KLHL13: variants seen among roughly 807,000 people sequenced by gnomAD.
The protein encoded by KLHL13 is kelch-like protein 13.
A neutral mutation model predicts 37.1 loss-of-function variants in KLHL13; 10 were observed. The observed-to-expected ratio is 0.27, with a 90% CI of 0.17 to 0.46. KLHL13 has a LOEUF of 0.46. Ranked by LOEUF, KLHL13 falls within the 20% of genes least tolerant of loss-of-function variation. The pLI is 1.00. For synonymous variants in KLHL13, 163 were observed against 181.2 expected (o/e 0.90, Z 0.81); for missense variants, 360 against 509.3 (o/e 0.71, Z 2.82).
intron 2 of KLHL13, among the ~76,000 whole-genome samples, chrX:117,931,430 G>T (rs1201924681): frequency 3.6e-5 from 4 of 111,238 alleles, no homozygotes; most frequent in Admixed American, 9.5e-5. Context: ...TGGCCTCCAG[G>T]TCTTAAGGAT....
At chrX:117,922,590 A>G (rs1015227183) in intron 2 of KLHL13, among the ~76,000 whole-genome samples, 2 of 111,806 alleles carry the variant, frequency 1.8e-5, no homozygotes, top group African/African-American at 6.5e-5. Flanking sequence ...ACCTCTCCCA[A>G]TAATAAAATG....
At chrX:117,918,892 C>A (rs1408844775) in intron 4 of KLHL13, among the ~76,000 whole-genome samples, 1 of 112,122 alleles carries the variant, frequency 8.9e-6, no homozygotes, top group Non-Finnish European at 1.9e-5. Flanking sequence ...CATTCAATTA[C>A]ATTTAAGAAG....
At chrX:117,897,815 A>G (rs1196808679) in exon 7 of KLHL13, 1 of 112,351 alleles carries the variant, frequency 8.9e-6, no homozygotes, top group African/African-American at 3.2e-5. Flanking sequence ...GACCAAAATG[A>G]CATTAAATGT....
chrX:118,069,969 T>C (rs1448235461), intron 1 of KLHL13, among the ~76,000 whole-genome samples: 2 of 112,026 alleles, frequency 1.8e-5, no homozygotes, highest in Admixed American at 1.9e-4. Context: ...TTATACCATA[T>C]TTTACCATAC....
At chrX:118,045,994 AAACT>A (rs1211978381) in intron 1 of KLHL13, among the ~76,000 whole-genome samples, 2 of 111,641 alleles carry the variant, frequency 1.8e-5, no homozygotes, top group Non-Finnish European at 3.8e-5. Context: ...ATTCCTCAAC[AAACT>A]AAAAATAGAG....
intron 1 of KLHL13, among the ~76,000 whole-genome samples, chrX:118,112,358 G>T (rs1398896618): frequency 8.9e-6 from 1 of 111,796 alleles, no homozygotes; most frequent in Admixed American, 9.5e-5. Flanking sequence ...CAAGTGGGGA[G>T]ATGGCCAGGC....
intron 1 of KLHL13, among the ~76,000 whole-genome samples, chrX:118,075,219 G>A (rs962373437): frequency 9.0e-6 from 1 of 111,580 alleles, no homozygotes; most frequent in Non-Finnish European, 1.9e-5. Context: ...CAGCAGAAAA[G>A]TCAGTTTGTT....
intron 1 of KLHL13, among the ~76,000 whole-genome samples, chrX:118,031,871 C>A (rs769079739): frequency 1.8e-5 from 2 of 108,443 alleles, no homozygotes; most frequent in Admixed American, 2.0e-4. Flanking sequence ...TGGGTGCAGG[C>A]CAGTGGCTGC....
At chrX:118,093,112 T>C (rs1407272824) in intron 1 of KLHL13, among the ~76,000 whole-genome samples, 2 of 111,513 alleles carry the variant, frequency 1.8e-5, no homozygotes, top group South Asian at 3.8e-4. Flanking sequence ...ATTTGCCTGC[T>C]AAAAGTGCCT....
At chrX:118,032,120 C>T (rs1007405052) in intron 1 of KLHL13, among the ~76,000 whole-genome samples, 3 of 111,599 alleles carry the variant, frequency 2.7e-5, no homozygotes, top group African/African-American at 9.8e-5. Flanking sequence ...ATTGCTTGCA[C>T]AGCAGTCTGA....
At chrX:118,098,326 G>A (rs1207204950) in intron 1 of KLHL13, among the ~76,000 whole-genome samples, 1 of 112,001 alleles carries the variant, frequency 8.9e-6, no homozygotes, top group Non-Finnish European at 1.9e-5. Flanking sequence ...ATGAAAAAAT[G>A]CTCATCATCA....
At chrX:117,941,869 C>T (rs6646007) in intron 2 of KLHL13, among the ~76,000 whole-genome samples, 10,068 of 111,086 alleles carry the variant, frequency 0.091, 426 homozygotes, top group African/African-American at 0.16. Flanking sequence ...TTCTTGTCGT[C>T]TGCTAGCTTT....
intron 4 of KLHL13, among the ~76,000 whole-genome samples, chrX:117,913,746 G>C (rs1294771145): frequency 9.1e-6 from 1 of 109,753 alleles, no homozygotes; most frequent in Non-Finnish European, 1.9e-5. Flanking sequence ...GGGAGGCTGA[G>C]GCAGGAGAAT....
At position 117,980,252 on chromosome X, in the gene KLHL13, A is replaced by G. The variant is rs182040120; in HGVS notation, c.-55-34677T>C. 1.4e-3 allele frequency among the ~76,000 whole-genome samples: 162 copies of G among 111,932 alleles called. 2 individuals carry two copies. Among genetic ancestry groups the G allele is most frequent in the African/African-American group, 5.1e-3 (157 of 30,917 alleles). On this transcript the variant is annotated intron_variant, in intron 1 of 6. Transcript: ENST00000371882. ...GTTGAAAATTTTTTCAGTAATAAGC[A>G]TATCACATACCAAATCTCAAAAGAC...
At chrX:117,974,048 T>C (rs2147908169), upstream of KLHL13, among the ~76,000 whole-genome samples, 1 of 111,452 alleles carries the variant, frequency 9.0e-6, no homozygotes, top group East Asian at 2.8e-4. Context: ...AGGGCTCATC[T>C]ATATTGTTTC....
At chrX:117,928,166 T>G (rs1355266184) in intron 2 of KLHL13, among the ~76,000 whole-genome samples, 1 of 112,053 alleles carries the variant, frequency 8.9e-6, no homozygotes, top group Non-Finnish European at 1.9e-5. Flanking sequence ...GATGTCTGTG[T>G]GTTTAATAGC....
chrX:117,999,778 T>C (rs1255586749), intron 1 of KLHL13, among the ~76,000 whole-genome samples: 1 of 110,760 alleles, frequency 9.0e-6, no homozygotes, highest in Admixed American at 9.6e-5. Flanking sequence ...AGGCAACACA[T>C]GGTGAATCTG....
chrX:118,099,642 C>T (rs764762480), intron 1 of KLHL13, among the ~76,000 whole-genome samples: 2 of 110,162 alleles, frequency 1.8e-5, no homozygotes, highest in African/African-American at 6.6e-5. Context: ...AGCAACACCT[C>T]GTCTCTAATA....
intron 1 of KLHL13, among the ~76,000 whole-genome samples, chrX:118,100,102 C>T (rs1478185641): frequency 8.9e-6 from 1 of 111,772 alleles, no homozygotes; most frequent in African/African-American, 3.3e-5. Context: ...TTAGATGATG[C>T]TTAATACACT....
Sources: gnomAD v4.1 joint callset for allele counts (sites outside exome capture counted in the v4.1 genomes callset) on GRCh38, gnomAD v4.1.1 for gene constraint, MANE v1.5 for transcripts, NCBI Gene and HGNC (gene_info 2026-07-23, HGNC 2026-07-21) for gene names.